Variants in SYNE2 observed in about 807,000 individuals in gnomAD.
The protein encoded by SYNE2 is nesprin-2.
In SYNE2, 431 loss-of-function variants were observed where a neutral mutation model predicts 856.3. That is an observed-to-expected ratio of 0.50 (90% CI 0.47 to 0.55). The LOEUF is 0.55. Among genes scored for constraint, SYNE2 ranks in the 20% least tolerant of loss-of-function variants. The pLI is 0.00. For missense variants in SYNE2, 8,129 were observed against 8,023.2 expected (o/e 1.01, Z -0.50); for synonymous variants, 2,923 against 2,872.3 (o/e 1.02, Z -0.56).
At position 64,024,472 on chromosome 14, in the gene SYNE2, G is replaced by C. The variant is rs2096961897; in HGVS notation, c.5840+13G>C. ...AGCAGCTACTGAGGTAGGAAATAAA[G>C]ATGATATCTAAATAACATGTTTTCT... On this transcript the variant is annotated intron_variant, in intron 39 of 115. Coordinates refer to ENST00000555002, the MANE Select transcript of SYNE2 (RefSeq NM_182914.3). 6.2e-7 allele frequency: 1 copy of C among 1,610,328 alleles called. No homozygotes were observed. Among genetic ancestry groups the C allele is most frequent in the South Asian group, 1.1e-5 (1 of 90,974 alleles).
Position 63,882,936 on chromosome 14 carries a change from A to G in SYNE2, c.-51-26162A>G, listed in dbSNP as rs567823300. Among the ~76,000 whole-genome samples, 345 of 151,602 alleles carry G rather than the reference A, an allele frequency of 2.3e-3. 3 individuals carry two copies. The South Asian group carries it at 0.025, about 11-fold the overall frequency. ...TTATTATCCATGTCAGAGAAGTTTT[A>G]TGAGGATTAAATGACATAATGTATA... is the stretch of plus-strand genomic sequence containing the variant. On this transcript the variant is annotated intron_variant, in intron 1 of 115. Transcript: ENST00000555002.
intron 1 of SYNE2, among the ~76,000 whole-genome samples, chr14:63,872,078 C>T (rs1896977541): frequency 6.6e-6 from 1 of 152,098 alleles, no homozygotes; most frequent in Non-Finnish European, 1.5e-5. Context: ...GTGGGCCCGG[C>T]CGTGTCAAGT....
intron 60 of SYNE2, among the ~76,000 whole-genome samples, chr14:64,091,334 G>A (rs775371550): frequency 4.8e-4 from 73 of 152,328 alleles, no homozygotes; most frequent in Middle Eastern, 3.4e-3. Context: ...CAAGGCATTT[G>A]CAGCCTCTGA....
intron 83 of SYNE2, among the ~76,000 whole-genome samples, chr14:64,145,629 A>C (rs2098177977): frequency 6.6e-6 from 1 of 152,178 alleles, no homozygotes; most frequent in Non-Finnish European, 1.5e-5. Context: ...AATGAGAATC[A>C]CAGACATTAA....
intron 110 of SYNE2, among the ~76,000 whole-genome samples, chr14:64,219,890 A>G (rs1256174192): frequency 6.6e-6 from 1 of 152,178 alleles, no homozygotes; most frequent in Non-Finnish European, 1.5e-5. Context: ...TGTCACTTAC[A>G]TAAGTCCTGA....
chr14:63,802,565 A>G (rs1888181278), intron 1 of SYNE2, among the ~76,000 whole-genome samples: 1 of 152,222 alleles, frequency 6.6e-6, no homozygotes. Context: ...TGAGAAGAAC[A>G]TGATATTTGG....
intron 38 of SYNE2, 53 bp downstream of exon 38, chr14:64,022,916 A>C (rs2096947589): frequency 1.1e-6 from 1 of 936,750 alleles, no homozygotes; most frequent in Non-Finnish European, 1.7e-6. Flanking sequence ...AAAATACTGG[A>C]GGCATAGAAC....
chr14:63,832,540 T>C (rs1332479421), intron 1 of SYNE2, among the ~76,000 whole-genome samples: 2 of 152,016 alleles, frequency 1.3e-5, no homozygotes, highest in South Asian at 4.2e-4. Context: ...AGAAAAATTA[T>C]TATTTTAGGT....
chr14:63,967,732 A>G lies in SYNE2; in HGVS notation c.1014A>G (p.Ser338=), dbSNP rs1205640366. The part of the protein sequence containing the change: ...KYNSLLSFME[S]FNEEKKSFLD... Reference sequence around the variant, plus strand: ...AGAGCCTGCTGTCCTTTATGGAGTCATTCAATGAAGAAAAAAAGTCCTTTT... The same window carrying G: ...AGAGCCTGCTGTCCTTTATGGAGTCGTTCAATGAAGAAAAAAAGTCCTTTT... Residue 338 remains serine, a synonymous_variant, in exon 11 of 116, where the codon TCA becomes TCG. Coordinates refer to ENST00000555002, the MANE Select transcript of SYNE2 (RefSeq NM_182914.3). 23 of 1,614,040 alleles carry G rather than the reference A, an allele frequency of 1.4e-5. No individual in the cohort carries two copies. Among genetic ancestry groups the G allele is most frequent in the Non-Finnish European group, 1.7e-5 (20 of 1,179,980 alleles).
In SYNE2 at chr14:64,158,736, C is replaced by T; in HGVS notation, c.15904C>T (p.His5302Tyr). The change falls in exon 86 of 116, where the codon CAC becomes TAC. Residue 5302 changes from histidine to tyrosine, a missense_variant. His to Tyr is a moderately conservative substitution (Grantham distance 83). This residue lies in a region of SYNE2 where 5,410 missense variants were observed against 5,284.8 expected (regional missense o/e 1.02). Coordinates refer to ENST00000555002, the MANE Select transcript of SYNE2 (RefSeq NM_182914.3). ...AATCCGATTCTGGTACTGCATGGAA[C>T]ACAGCAAGCCTGTGGTGTTATCATT... is the stretch of plus-strand genomic sequence containing the variant. The part of the protein sequence containing the change: ...MTIRFWYCME[H>Y]SKPVVLSLET... 6.2e-7 allele frequency: 1 copy of T among 1,613,936 alleles called. No homozygotes were observed. The highest frequency in any genetic ancestry group is 8.5e-7 in the Non-Finnish European group (1 of 1,179,918).
intron 1 of SYNE2, among the ~76,000 whole-genome samples, chr14:63,815,127 CATATATATCCAT>C (rs1566584998): frequency 2.1e-5 from 2 of 96,506 alleles, no homozygotes; most frequent in African/African-American, 7.7e-5. Flanking sequence ...TATATATCCA[CATATATATCCAT>C]ATATATACAC....
intron 1 of SYNE2, among the ~76,000 whole-genome samples, chr14:63,818,039 A>AAC (rs765311326): frequency 0.047 from 6,957 of 147,282 alleles, 332 homozygotes; most frequent in African/African-American, 0.11. Context: ...AAAAAAAAAA[A>AAC]AAAAAAACAA....
In SYNE2 at chr14:64,090,913, A is replaced by T. The variant is rs1195736286; in HGVS notation, c.11841A>T (p.Ile3947=). 6.2e-7 allele frequency: 1 copy of T among 1,614,180 alleles called. No homozygotes were observed. The highest frequency in any genetic ancestry group is 2.2e-5 in the East Asian group (1 of 44,866). Reference sequence around the variant, plus strand: ...CCATGAAGAAAACCATTGCTGAGATAGTGTCTTACCAAGTGGAACTGAGGT... The same window carrying T: ...CCATGAAGAAAACCATTGCTGAGATTGTGTCTTACCAAGTGGAACTGAGGT... ...IRPMKKTIAE[I]VSYQVELRLP... is the part of the protein sequence containing the mutation. The change falls in exon 60 of 116, where the codon ATA becomes ATT. Residue 3947 remains isoleucine (I), a synonymous_variant. Coordinates refer to ENST00000555002, the MANE Select transcript of SYNE2 (RefSeq NM_182914.3).
At position 64,162,669 on chromosome 14, in the gene SYNE2, C is replaced by G. The variant is rs924657513; in HGVS notation, c.16299+393C>G. Reference sequence around the variant, plus strand: ...TGGACTTGGTGCCATGTTGCTAGGCCTTTTCTGTGGGTATAGTAAATTTCA... The same window carrying G: ...TGGACTTGGTGCCATGTTGCTAGGCGTTTTCTGTGGGTATAGTAAATTTCA... On this transcript the variant is annotated intron_variant, in intron 88 of 115. Transcript: ENST00000555002. 5 of 311,928 alleles carry G rather than the reference C, an allele frequency of 1.6e-5. No individual in the cohort carries two copies. In the East Asian group the frequency reaches 3.2e-4, roughly 20 times the overall value. 19.3% of individuals were successfully genotyped at this position (311,928 alleles called of 1,614,324 possible).
At chr14:64,063,624 T>A (rs773125871) in intron 50 of SYNE2, among the ~76,000 whole-genome samples, 1 of 152,236 alleles carries the variant, frequency 6.6e-6, no homozygotes, top group Non-Finnish European at 1.5e-5. Flanking sequence ...CTTTTGCTTA[T>A]TTTTATCTGT....
chr14:63,954,818 G>C lies in SYNE2; in HGVS notation c.690G>C (p.Met230Ile), dbSNP rs2096220312. ...CCTTGCGACCAGACCTAATTGACAT[G>C]AAGAGTGTGAAGCATAGATCCAACA... is the stretch of plus-strand genomic sequence containing the variant. ...IHALRPDLID[M>I]KSVKHRSNKD... Residue 230 changes from methionine to isoleucine, a missense_variant, in exon 8 of 116, where the codon ATG becomes ATC. By Grantham distance (10) the Met-to-Ile change is conservative. This residue lies in a region of SYNE2 where 2,422 missense variants were observed against 2,357.4 expected (regional missense o/e 1.03). Transcript: ENST00000555002. The C allele has an allele frequency of 6.2e-7, 1 of 1,614,058 alleles. No individual in the cohort carries two copies. Among genetic ancestry groups the C allele is most frequent in the Non-Finnish European group, 8.5e-7 (1 of 1,179,968 alleles).
At chr14:63,967,054 C>T (rs2096403160) in intron 10 of SYNE2, among the ~76,000 whole-genome samples, 1 of 151,996 alleles carries the variant, frequency 6.6e-6, no homozygotes, top group South Asian at 2.1e-4. Context: ...TTAGTAGAGA[C>T]GGGGTTTCAT....
intron 84 of SYNE2, among the ~76,000 whole-genome samples, chr14:64,148,552 T>C (rs1173463040): frequency 6.6e-6 from 1 of 152,002 alleles, no homozygotes; most frequent in Non-Finnish European, 1.5e-5. Context: ...CACACACAGG[T>C]TCTCCTCTAT....
At chr14:64,012,419 C>CAT (rs1200463805) in intron 32 of SYNE2, among the ~76,000 whole-genome samples, 1 of 152,120 alleles carries the variant, frequency 6.6e-6, no homozygotes, top group Middle Eastern at 3.2e-3. Flanking sequence ...CAGAGACAAA[C>CAT]ATATATATTT....
Sources: gnomAD v4.1 joint callset for allele counts (sites outside exome capture counted in the v4.1 genomes callset) on GRCh38, gnomAD v4.1.1 for gene constraint, gnomAD v4.1.1 regional missense constraint, MANE v1.5 for transcripts, NCBI Gene and HGNC (gene_info 2026-07-23, HGNC 2026-07-21) for gene names.